Variants in IL1RAPL2 observed in about 807,000 individuals in gnomAD.
IL1RAPL2 encodes the protein X-linked interleukin-1 receptor accessory protein-like 2.
Under a neutral mutation model 44.1 loss-of-function variants are expected in IL1RAPL2, and 3 were observed. The ratio of observed to expected loss-of-function variants is 0.07; its 90% CI spans 0.03 to 0.18. IL1RAPL2 has a LOEUF of 0.18. Ranked by LOEUF, IL1RAPL2 falls within the 10% of genes least tolerant of loss-of-function variation. The pLI is 1.00. For missense variants in IL1RAPL2, 391 were observed against 496.4 expected (o/e 0.79, Z 2.02); for synonymous variants, 181 against 178.8 (o/e 1.01, Z -0.10).
intron 1 of IL1RAPL2, among the ~76,000 whole-genome samples, chrX:104,599,448 A>G (rs1261437614): frequency 9.2e-6 from 1 of 108,563 alleles, no homozygotes; most frequent in African/African-American, 3.4e-5. Flanking sequence ...AGGTCTCACT[A>G]TATTTCTGAG....
rs201327094 is a variant in IL1RAPL2, at chrX:105,474,882, TA to T, written c.698-9422del. Among the ~76,000 whole-genome samples, 142 of 109,081 alleles carry T rather than the reference TA, an allele frequency of 1.3e-3. 1 individual carries two copies. In the East Asian group the frequency reaches 0.035, roughly 27 times the overall value. The allele number at this position is 109,081 out of a possible 115,157, so 94.7% of individuals were successfully genotyped here. A position where few individuals can be genotyped will look rare whatever the true frequency, so the allele number is the denominator to read the frequency against. ...GAACACACACACAAAAAAACAGTCT[TA>T]AAAAAAAACACGGAAGAAATATGAC... On this transcript the variant is annotated intron_variant, in intron 5 of 10. Coordinates refer to ENST00000372582, the MANE Select transcript of IL1RAPL2 (RefSeq NM_017416.2).
chrX:104,893,741 A>G (rs1490210943), intron 2 of IL1RAPL2, among the ~76,000 whole-genome samples: 6 of 111,322 alleles, frequency 5.4e-5, no homozygotes, highest in Non-Finnish European at 1.1e-4. Flanking sequence ...TCTTTATCCA[A>G]TTTGCCAGTC....
At chrX:104,720,648 G>A (rs770623162) in intron 2 of IL1RAPL2, among the ~76,000 whole-genome samples, 1 of 111,716 alleles carries the variant, frequency 9.0e-6, no homozygotes, top group East Asian at 2.8e-4. Context: ...AAGATGTTTT[G>A]TAGACATCCT....
intron 6 of IL1RAPL2, among the ~76,000 whole-genome samples, chrX:105,593,317 C>T (rs901982188): frequency 3.6e-5 from 4 of 111,450 alleles, no homozygotes; most frequent in African/African-American, 9.8e-5. Context: ...TTTTGTCTTT[C>T]CACTAGTATC....
At chrX:105,440,528 C>T (rs1241150479) in intron 5 of IL1RAPL2, among the ~76,000 whole-genome samples, 1 of 111,652 alleles carries the variant, frequency 9.0e-6, no homozygotes, top group East Asian at 2.8e-4. Flanking sequence ...TATGAAATAA[C>T]TTTGGAGTTT....
intron 2 of IL1RAPL2, among the ~76,000 whole-genome samples, chrX:104,681,232 T>C (rs1409143169): frequency 8.9e-6 from 1 of 112,424 alleles, no homozygotes; most frequent in Non-Finnish European, 1.9e-5. Flanking sequence ...ACCAAATAAT[T>C]CACTTAATTT....
At chrX:104,803,507 T>C (rs897547643) in intron 2 of IL1RAPL2, among the ~76,000 whole-genome samples, 2 of 112,278 alleles carry the variant, frequency 1.8e-5, no homozygotes, top group African/African-American at 6.5e-5. Context: ...GGAACATATT[T>C]TTCCCACTCT....
chrX:104,975,062 T>C (rs1410334519), intron 2 of IL1RAPL2, among the ~76,000 whole-genome samples: 1 of 112,073 alleles, frequency 8.9e-6, no homozygotes, highest in Non-Finnish European at 1.9e-5. Context: ...TTCTTTTTTT[T>C]CATCTCTTTT....
intron 6 of IL1RAPL2, among the ~76,000 whole-genome samples, chrX:105,625,266 T>A (rs1208976119): frequency 8.9e-6 from 1 of 112,077 alleles, no homozygotes; most frequent in Non-Finnish European, 1.9e-5. Flanking sequence ...TGCTAATTAA[T>A]CTCTTTGTGC....
At chrX:105,133,129 G>A (rs5916725) in intron 2 of IL1RAPL2, among the ~76,000 whole-genome samples, 1,960 of 111,901 alleles carry the variant, frequency 0.018, 16 homozygotes, top group Non-Finnish European at 0.027. Context: ...ATACCAAAAT[G>A]TTGAAGTGGA....
chrX:105,622,278 A>AAT (rs2037424220), intron 6 of IL1RAPL2, among the ~76,000 whole-genome samples: 4 of 99,418 alleles, frequency 4.0e-5, no homozygotes, highest in African/African-American at 7.4e-5. Context: ...AAGTCAATAA[A>AAT]AATAATAATA....
intron 2 of IL1RAPL2, among the ~76,000 whole-genome samples, chrX:104,865,974 G>A (rs1402730732): frequency 8.9e-6 from 1 of 112,158 alleles, no homozygotes; most frequent in Non-Finnish European, 1.9e-5. Context: ...TATCCTATTA[G>A]TTCTGTCCCT....
At chrX:105,222,674 G>A (rs2033976939) in intron 3 of IL1RAPL2, among the ~76,000 whole-genome samples, 1 of 111,998 alleles carries the variant, frequency 8.9e-6, no homozygotes, top group Middle Eastern at 4.6e-3. Flanking sequence ...GGAGAGAAGA[G>A]TGTAGAGAGC....
At chrX:105,161,233 T>C in intron 2 of IL1RAPL2, among the ~76,000 whole-genome samples, 1 of 108,747 alleles carries the variant, frequency 9.2e-6, no homozygotes. Flanking sequence ...ATAATAATAA[T>C]AATAATAATA....
In IL1RAPL2 at chrX:105,253,336, T is replaced by C. The variant is rs768217237; in HGVS notation, c.544-14052T>C. Among the ~76,000 whole-genome samples, 14 of 111,287 alleles carry C rather than the reference T, an allele frequency of 1.3e-4. 1 individual carries two copies. In the South Asian group the frequency reaches 4.9e-3, roughly 39 times the overall value. ...GTTCTTTCCTCAGCTATGTAGTCTA[T>C]TAATAAGCCCATCAGAGGCATTATT... is the stretch of plus-strand genomic sequence containing the variant. On this transcript the variant is annotated intron_variant, in intron 4 of 10. Transcript: ENST00000372582.
At chrX:105,155,033 T>C (rs141003275) in intron 2 of IL1RAPL2, among the ~76,000 whole-genome samples, 18 of 111,811 alleles carry the variant, frequency 1.6e-4, no homozygotes, top group Non-Finnish European at 3.4e-4. Flanking sequence ...TTGATCCTTC[T>C]TTGGTAATAT....
chrX:105,115,344 C>T (rs1392679688), intron 2 of IL1RAPL2, among the ~76,000 whole-genome samples: 2 of 111,494 alleles, frequency 1.8e-5, no homozygotes, highest in Non-Finnish European at 3.8e-5. Context: ...GTTGCCACTG[C>T]TAGGTTGGGC....
At chrX:104,866,225 C>T (rs910388968) in intron 2 of IL1RAPL2, among the ~76,000 whole-genome samples, 1 of 111,759 alleles carries the variant, frequency 8.9e-6, no homozygotes, top group African/African-American at 3.3e-5. Flanking sequence ...TGGGTCACAA[C>T]TCATAGTGTG....
intron 10 of IL1RAPL2, among the ~76,000 whole-genome samples, chrX:105,760,355 G>A (rs2038676774): frequency 8.9e-6 from 1 of 112,193 alleles, no homozygotes; most frequent in Non-Finnish European, 1.9e-5. Context: ...CATTAAGGCT[G>A]CACCAGTGAG....
Sources: gnomAD v4.1 joint callset for allele counts (sites outside exome capture counted in the v4.1 genomes callset) on GRCh38, gnomAD v4.1.1 for gene constraint, MANE v1.5 for transcripts, NCBI Gene and HGNC (gene_info 2026-07-23, HGNC 2026-07-21) for gene names.